Variants in FBXO36 observed in about 807,000 individuals in gnomAD.
FBXO36 encodes the protein F-box only protein 36.
FBXO36 carries 18 observed loss-of-function variants against 17.0 expected under a neutral mutation model. The ratio of observed to expected loss-of-function variants is 1.06; its 90% CI spans 0.73 to 1.57. The LOEUF is 1.57. FBXO36 is among the 40% of genes most tolerant of loss of function. The probability of loss-of-function intolerance (pLI) is 0.00; values close to 1 mark genes in which losing one functional copy is unlikely to be tolerated. For missense variants in FBXO36, 229 were observed against 221.9 expected (o/e 1.03, Z -0.20); for synonymous variants, 83 against 85.3 (o/e 0.97, Z 0.15).
intron 3 of FBXO36, among the ~76,000 whole-genome samples, chr2:230,009,149 C>T (rs2077401864): frequency 6.6e-6 from 1 of 152,104 alleles, no homozygotes; most frequent in South Asian, 2.1e-4. Flanking sequence ...GTCACACTTA[C>T]ACATTTCTTC....
intron 1 of FBXO36, among the ~76,000 whole-genome samples, chr2:229,925,260 TA>T (rs1387891386): frequency 1.3e-5 from 2 of 152,166 alleles, no homozygotes. Flanking sequence ...CAGTGAGAGT[TA>T]ATCTCCAAGC....
Position 229,996,893 on chromosome 2 carries a change from G to A in FBXO36, c.348G>A (p.Arg116=), listed in dbSNP as rs1039324823. The change falls in exon 3 of 4, where the codon AGG becomes AGA. Residue 116 remains arginine, a synonymous_variant. Coordinates refer to ENST00000283946, the MANE Select transcript of FBXO36 (RefSeq NM_174899.5). The stretch of plus-strand genomic sequence containing the variant: ...ATCTGGATCTTGAAGATATTGCCAG[G>A]CTTTGTCAAACATCACACAGATTTG... The part of the protein sequence containing the change: ...ISYLDLEDIA[R]LCQTSHRFAK... 2 of 1,613,760 alleles carry A rather than the reference G, an allele frequency of 1.2e-6. No homozygotes were observed. The highest frequency in any genetic ancestry group is 2.2e-5 in the South Asian group (2 of 90,948).
Position 229,961,438 on chromosome 2 carries a change from C to T in FBXO36, c.97-14803C>T, listed in dbSNP as rs1032141373. On this transcript the variant is annotated intron_variant, in intron 1 of 3. Coordinates refer to ENST00000283946, the MANE Select transcript of FBXO36 (RefSeq NM_174899.5). Reference sequence around the variant, plus strand: ...GTCACGAGGCTGGAGTGCAGTGGTGCGATCTCGGCTCACTGCAACCTCCGC... The same window carrying T: ...GTCACGAGGCTGGAGTGCAGTGGTGTGATCTCGGCTCACTGCAACCTCCGC... Among the ~76,000 whole-genome samples, 8 of 152,040 alleles carry T rather than the reference C, an allele frequency of 5.3e-5. No homozygotes were observed. In the East Asian group the frequency reaches 5.8e-4, roughly 11 times the overall value.
chr2:229,953,695 A>AT (rs962376665), intron 1 of FBXO36, among the ~76,000 whole-genome samples: 39 of 149,868 alleles, frequency 2.6e-4, no homozygotes, highest in Middle Eastern at 3.4e-3. Flanking sequence ...ATAAAAAAAG[A>AT]TTTTTTTTTT....
In FBXO36 at chr2:229,962,522, T is replaced by TATTTTATTTTATTTTATTTA. The variant is rs1335382100; in HGVS notation, c.97-13700_97-13699insAATTTTATTTTATTTTATTT. ...ATTTTTATTTTATTTTATTTTATTT[T>TATTTTATTTTATTTTATTTA]ATTTTATTTTATTTTATTTTATTTT... On this transcript the variant is annotated intron_variant, in intron 1 of 3. Coordinates refer to ENST00000283946, the MANE Select transcript of FBXO36 (RefSeq NM_174899.5). Among the ~76,000 whole-genome samples, 270 of 148,918 alleles carry TATTTTATTTTATTTTATTTA rather than the reference T, an allele frequency of 1.8e-3. 2 individuals are homozygous for TATTTTATTTTATTTTATTTA. The highest frequency in any genetic ancestry group is 6.4e-3 in the African/African-American group (258 of 40,476).
At chr2:229,982,054 C>T (rs2077243249) in intron 2 of FBXO36, among the ~76,000 whole-genome samples, 3 of 151,714 alleles carry the variant, frequency 2.0e-5, no homozygotes, top group Non-Finnish European at 4.4e-5. Context: ...GACCTAGCCT[C>T]ACTCTGTTGC....
At chr2:229,985,999 A>G (rs142919725) in intron 2 of FBXO36, among the ~76,000 whole-genome samples, 1 of 152,102 alleles carries the variant, frequency 6.6e-6, no homozygotes, top group Non-Finnish European at 1.5e-5. Context: ...GCTAGCCATG[A>G]TTGTGCCACT....
chr2:229,992,600 A>G (rs1337358251), intron 2 of FBXO36, among the ~76,000 whole-genome samples: 1 of 152,040 alleles, frequency 6.6e-6, no homozygotes, highest in Admixed American at 6.5e-5. Context: ...TATCAAAGCC[A>G]CTCTTACATT....
intron 1 of FBXO36, among the ~76,000 whole-genome samples, chr2:229,927,380 C>CA (rs560588218): frequency 1.6e-3 from 246 of 151,924 alleles, no homozygotes; most frequent in African/African-American, 5.8e-3. Flanking sequence ...TTAGAAGAAG[C>CA]AAAAAATCAC....
chr2:229,993,219 A>G (rs1355114930), intron 2 of FBXO36, among the ~76,000 whole-genome samples: 1 of 152,226 alleles, frequency 6.6e-6, no homozygotes, highest in Admixed American at 6.5e-5. Flanking sequence ...TCTGTAAAGA[A>G]TCTCTATTAA....
At chr2:229,987,080 C>T (rs1306641984) in intron 2 of FBXO36, among the ~76,000 whole-genome samples, 3 of 151,402 alleles carry the variant, frequency 2.0e-5, no homozygotes, top group East Asian at 2.0e-4. Flanking sequence ...ATTAGCCAGG[C>T]GTGTTGGCGC....
chr2:229,939,058 G>GT (rs199897011), intron 1 of FBXO36: 33,559 of 115,564 alleles, frequency 0.29, 5,137 homozygotes, highest in Admixed American at 0.31. Context: ...TTTGTTTTTT[G>GT]TTTTTTTTTT....
At chr2:229,930,766 G>C (rs985859581) in intron 1 of FBXO36, among the ~76,000 whole-genome samples, 15 of 152,024 alleles carry the variant, frequency 9.9e-5, no homozygotes, top group South Asian at 4.2e-4. Context: ...AAACAAAAGA[G>C]AGATGCTTTA....
In FBXO36 at chr2:230,008,838, G is replaced by A. The variant is rs546356902; in HGVS notation, c.379-1858G>A. On this transcript the variant is annotated intron_variant, in intron 3 of 3. Transcript: ENST00000283946. ...TAGAGGAACTAAACCTTGAAGGACT[G>A]TTGAAGGAGAGATAAGATAATGAGT... is the stretch of plus-strand genomic sequence containing the variant. 5.1e-4 allele frequency among the ~76,000 whole-genome samples: 77 copies of A among 152,300 alleles called. 1 individual carries two copies. The South Asian group carries it at 0.016, about 31-fold the overall frequency.
intron 3 of FBXO36, among the ~76,000 whole-genome samples, chr2:230,000,309 G>A (rs2077351172): frequency 8.2e-6 from 1 of 121,618 alleles, no homozygotes; most frequent in Non-Finnish European, 1.6e-5. Flanking sequence ...AGTGAGCCAA[G>A]ATCACACCAC....
chr2:230,006,886 C>T (rs567496037), intron 3 of FBXO36, among the ~76,000 whole-genome samples: 3 of 152,266 alleles, frequency 2.0e-5, no homozygotes, highest in Admixed American at 2.0e-4. Context: ...GTGAAAGGCA[C>T]CCCAGCCCAG....
At chr2:229,960,746 C>G (rs996640313) in intron 1 of FBXO36, among the ~76,000 whole-genome samples, 1 of 152,174 alleles carries the variant, frequency 6.6e-6, no homozygotes, top group Non-Finnish European at 1.5e-5. Flanking sequence ...CAAGCCACCC[C>G]AAAGTGTTGA....
intron 1 of FBXO36, among the ~76,000 whole-genome samples, chr2:229,939,766 A>T (rs2076987621): frequency 6.6e-6 from 1 of 152,176 alleles, no homozygotes; most frequent in Admixed American, 6.5e-5. Flanking sequence ...TAGCCTTTAC[A>T]GCAGCTCCTC....
At chr2:229,952,083 T>C (rs1309442005) in intron 1 of FBXO36, among the ~76,000 whole-genome samples, 1 of 152,234 alleles carries the variant, frequency 6.6e-6, no homozygotes, top group Non-Finnish European at 1.5e-5. Context: ...GTTATTTTAA[T>C]TACTGTATCT....
Sources: allele counts gnomAD v4.1 joint callset (sites outside exome capture counted in the v4.1 genomes callset), GRCh38; gene constraint gnomAD v4.1.1; transcripts MANE v1.5; gene names NCBI Gene and HGNC (gene_info 2026-07-23, HGNC 2026-07-21).